The following ZNF365 variants were observed in gnomAD, a reference collection of about 807,000 sequenced individuals.
ZNF365 encodes zinc finger protein 365.
In ZNF365, 22 loss-of-function variants were observed where a neutral mutation model predicts 35.0. That is an observed-to-expected ratio of 0.63 (90% confidence interval 0.45 to 0.90). The LOEUF is 0.90. ZNF365 is among the 40% of genes least tolerant of loss of function. The pLI is 0.00. For missense variants in ZNF365, 448 were observed against 500.3 expected (o/e 0.90, Z 1.00); for synonymous variants, 188 against 196.2 (o/e 0.96, Z 0.35).
intron 3 of ZNF365, among the ~76,000 whole-genome samples, chr10:62,426,672 G>A (rs1840254235): frequency 6.6e-6 from 1 of 152,116 alleles, no homozygotes; most frequent in African/African-American, 2.4e-5. Flanking sequence ...CTGCGGGAAA[G>A]GCAAGGCTGG....
At chr10:62,423,699 G>A (rs1840209253) in intron 3 of ZNF365, among the ~76,000 whole-genome samples, 2 of 152,116 alleles carry the variant, frequency 1.3e-5, no homozygotes, top group Non-Finnish European at 2.9e-5. Flanking sequence ...CAAATTTAAT[G>A]ATGATTTTTC....
intron 3 of ZNF365, among the ~76,000 whole-genome samples, chr10:62,428,492 A>G (rs1423205150): frequency 6.6e-6 from 1 of 152,178 alleles, no homozygotes; most frequent in Non-Finnish European, 1.5e-5. Context: ...CCATGTGAAG[A>G]AGGATGTGTT....
chr10:62,404,081 C>T (rs951422580), downstream of ZNF365, among the ~76,000 whole-genome samples: 1 of 152,088 alleles, frequency 6.6e-6, no homozygotes, highest in South Asian at 2.1e-4. Flanking sequence ...CGAACTATAG[C>T]CCTATGTTAA....
At chr10:62,422,644 C>G (rs533322450) in intron 3 of ZNF365, among the ~76,000 whole-genome samples, 1 of 152,256 alleles carries the variant, frequency 6.6e-6, no homozygotes, top group African/African-American at 2.4e-5. Flanking sequence ...CGCGGCCATG[C>G]TCTATTCTGA....
At chr10:62,470,112 T>C (rs1302652268) in intron 4 of ZNF365, among the ~76,000 whole-genome samples, 1 of 152,220 alleles carries the variant, frequency 6.6e-6, no homozygotes, top group Non-Finnish European at 1.5e-5. Flanking sequence ...CTTTGGTTAG[T>C]TTCTCCTGAA....
intron 4 of ZNF365, among the ~76,000 whole-genome samples, chr10:62,460,010 T>A (rs1840821739): frequency 6.6e-6 from 1 of 152,218 alleles, no homozygotes; most frequent in African/African-American, 2.4e-5. Context: ...ATTCTGTAGC[T>A]TTTCCCCCTA....
chr10:62,459,781 A>G, exon 4 of ZNF365: 1 of 1,606,878 alleles, frequency 6.2e-7, no homozygotes, highest in Non-Finnish European at 8.5e-7. Flanking sequence ...GTGTGCCAAA[A>G]TGACCTGGAA....
Position 62,457,750 on chromosome 10 carries a change from C to T in ZNF365, c.925-1991C>T, listed in dbSNP as rs140878144. Among the ~76,000 whole-genome samples the T allele has an allele frequency of 2.4e-3, 365 of 152,274 alleles. 1 individual carries two copies. The highest frequency in any genetic ancestry group is 8.2e-3 in the African/African-American group (341 of 41,548). ...GAATGAAGGGCTAGGTAATTAACAA[C>T]GGTGGCTAGGTGTCAGGTGCAGCTC... On this transcript the variant is annotated intron_variant, in intron 3 of 4. Coordinates refer to the ZNF365 transcript ENST00000395255.
At chr10:62,419,861 T>A (rs1840138603) in intron 3 of ZNF365, among the ~76,000 whole-genome samples, 1 of 152,176 alleles carries the variant, frequency 6.6e-6, no homozygotes, top group African/African-American at 2.4e-5. Context: ...TATCCTCATA[T>A]ATTAATTAAT....
intron 4 of ZNF365, among the ~76,000 whole-genome samples, chr10:62,475,676 C>T (rs984966399): frequency 3.3e-5 from 5 of 152,138 alleles, no homozygotes; most frequent in African/African-American, 9.7e-5. Flanking sequence ...AAATGCCCCA[C>T]GTTCTTCAAA....
At chr10:62,472,331 T>C (rs1339567356) in intron 4 of ZNF365, among the ~76,000 whole-genome samples, 1 of 152,244 alleles carries the variant, frequency 6.6e-6, no homozygotes, top group African/African-American at 2.4e-5. Flanking sequence ...CTGTAATCAG[T>C]TGAATTGTGA....
intron 3 of ZNF365, among the ~76,000 whole-genome samples, chr10:62,445,963 A>G (rs1840580931): frequency 6.6e-6 from 1 of 152,144 alleles, no homozygotes; most frequent in African/African-American, 2.4e-5. Flanking sequence ...GTCTCATCGG[A>G]TACCTTTATA....
At chr10:62,472,235 T>C (rs58022859) in intron 4 of ZNF365, among the ~76,000 whole-genome samples, 10,013 of 152,288 alleles carry the variant, frequency 0.066, 384 homozygotes, top group East Asian at 0.17. Context: ...AGAAAATTTG[T>C]TGTTCTAAGA....
At chr10:62,452,109 C>G (rs1437462246) in intron 3 of ZNF365, among the ~76,000 whole-genome samples, 1 of 152,094 alleles carries the variant, frequency 6.6e-6, no homozygotes, top group Non-Finnish European at 1.5e-5. Context: ...CTTTCTATGC[C>G]AAGAACAGTG....
At chr10:62,451,617 A>G (rs888224670) in intron 3 of ZNF365, among the ~76,000 whole-genome samples, 6 of 152,222 alleles carry the variant, frequency 3.9e-5, no homozygotes, top group Non-Finnish European at 8.8e-5. Flanking sequence ...CTTCTTCATC[A>G]GAAAGTCAAA....
chr10:62,422,663 A>G (rs1840189648), intron 3 of ZNF365, among the ~76,000 whole-genome samples: 1 of 152,122 alleles, frequency 6.6e-6, no homozygotes, highest in Admixed American at 6.6e-5. Context: ...GAAAATGATC[A>G]TTTATTCAGT....
At chr10:62,407,762 A>G (rs1839926277) in intron 3 of ZNF365, among the ~76,000 whole-genome samples, 1 of 152,190 alleles carries the variant, frequency 6.6e-6, no homozygotes, top group Non-Finnish European at 1.5e-5. Flanking sequence ...GCCTGCATCT[A>G]TGGTAAGATA....
At chr10:62,466,422 C>T (rs181434990) in intron 4 of ZNF365, among the ~76,000 whole-genome samples, 1 of 152,188 alleles carries the variant, frequency 6.6e-6, no homozygotes, top group African/African-American at 2.4e-5. Context: ...TGCATTCACA[C>T]ACCCCCTGCC....
Position 62,458,483 on chromosome 10 carries a change from C to CAA in ZNF365, c.925-1257_925-1256insAA, listed in dbSNP as rs1305066098. Among the ~76,000 whole-genome samples, 6 of 151,842 alleles carry CAA rather than the reference C, an allele frequency of 4.0e-5. No homozygotes were observed. In the East Asian group the frequency reaches 9.6e-4, roughly 24 times the overall value. On this transcript the variant is annotated intron_variant, in intron 3 of 4. Coordinates refer to the ZNF365 transcript ENST00000395255. ...ACCATCTTGAACACACACACACACA[C>CAA]ACACACACACACACATATATATATA... is the stretch of plus-strand genomic sequence containing the variant.
Sources: allele counts gnomAD v4.1 joint callset (sites outside exome capture counted in the v4.1 genomes callset), GRCh38; gene constraint gnomAD v4.1.1; transcripts MANE v1.5; gene names NCBI Gene and HGNC (gene_info 2026-07-23, HGNC 2026-07-21).